Variants in SEMA6D observed in about 807,000 individuals in gnomAD.
SEMA6D encodes the protein semaphorin 6D.
A neutral mutation model predicts 106.6 loss-of-function variants in SEMA6D; 35 were observed. The ratio of observed to expected loss-of-function variants is 0.33; its 90% CI spans 0.25 to 0.44. SEMA6D has a LOEUF of 0.44. SEMA6D is among the 20% of genes least tolerant of loss of function. The pLI is 1.00. For synonymous variants in SEMA6D, 499 were observed against 487.7 expected, an observed-to-expected ratio of 1.02 and a Z score of -0.31; for missense variants, 1,185 against 1,345.9, an observed-to-expected ratio of 0.88 and a Z score of 1.87.
At chr15:47,574,633 C>G (rs1038330111) in intron 3 of SEMA6D, among the ~76,000 whole-genome samples, 1 of 152,148 alleles carries the variant, frequency 6.6e-6, no homozygotes, top group East Asian at 1.9e-4. Flanking sequence ...CTTTTGAGAC[C>G]AAAACATTCC....
chr15:47,337,670 G>T (rs560587231), intron 1 of SEMA6D, among the ~76,000 whole-genome samples: 1 of 152,090 alleles, frequency 6.6e-6, no homozygotes, highest in Non-Finnish European at 1.5e-5. Flanking sequence ...CAATGGAAGC[G>T]TCAGTTGTCT....
intron 3 of SEMA6D, among the ~76,000 whole-genome samples, chr15:47,558,151 T>A (rs1020743272): frequency 6.6e-6 from 1 of 152,150 alleles, no homozygotes; most frequent in Non-Finnish European, 1.5e-5. Flanking sequence ...ATCTGTAATT[T>A]CTTTTACAGC....
At chr15:47,433,503 G>A (rs2041604905) in intron 2 of SEMA6D, among the ~76,000 whole-genome samples, 1 of 152,030 alleles carries the variant, frequency 6.6e-6, no homozygotes, top group Non-Finnish European at 1.5e-5. Context: ...CAAAAGAATA[G>A]CAGGTTTTAG....
At chr15:47,244,535 G>A (rs1321719814) in intron 1 of SEMA6D, among the ~76,000 whole-genome samples, 1 of 152,106 alleles carries the variant, frequency 6.6e-6, no homozygotes, top group Non-Finnish European at 1.5e-5. Context: ...TCATTATACA[G>A]ATGTGTGAAA....
At chr15:47,610,975 T>C (rs1455754098) in intron 4 of SEMA6D, among the ~76,000 whole-genome samples, 1 of 152,200 alleles carries the variant, frequency 6.6e-6, no homozygotes, top group Non-Finnish European at 1.5e-5. Flanking sequence ...TCAGAGCATA[T>C]GTCTTTACAT....
intron 4 of SEMA6D, among the ~76,000 whole-genome samples, chr15:47,683,163 G>A (rs1596621360): frequency 6.6e-6 from 1 of 152,112 alleles, no homozygotes; most frequent in Non-Finnish European, 1.5e-5. Context: ...ATCACTTGAA[G>A]AGCGAACATT....
At chr15:47,517,438 C>G (rs1195453200) in intron 3 of SEMA6D, among the ~76,000 whole-genome samples, 2 of 151,976 alleles carry the variant, frequency 1.3e-5, no homozygotes, top group Non-Finnish European at 2.9e-5. Context: ...CCTCTCTATG[C>G]GTTCATTACA....
At chr15:47,630,280 A>G (rs889461875) in intron 4 of SEMA6D, among the ~76,000 whole-genome samples, 16 of 151,622 alleles carry the variant, frequency 1.1e-4, no homozygotes, top group African/African-American at 3.9e-4. Flanking sequence ...CATTGTTGTG[A>G]TTTGTTTCCT....
At chr15:47,191,029 C>T (rs1432349665) in intron 1 of SEMA6D, among the ~76,000 whole-genome samples, 1 of 151,888 alleles carries the variant, frequency 6.6e-6, no homozygotes, top group Non-Finnish European at 1.5e-5. Context: ...TAATAATAGC[C>T]GGGTGCAGTC....
chr15:47,251,915 T>TATTGAGTGTTGCGA (rs1450611549), intron 1 of SEMA6D, among the ~76,000 whole-genome samples: 4 of 129,998 alleles, frequency 3.1e-5, no homozygotes, highest in African/African-American at 1.2e-4. Flanking sequence ...GGATTTTTTT[T>TATTGAGTGTTGCGA]TTTTTTTTTT....
intron 1 of SEMA6D, among the ~76,000 whole-genome samples, chr15:47,203,372 G>C (rs548090274): frequency 6.6e-6 from 1 of 152,260 alleles, no homozygotes; most frequent in Admixed American, 6.5e-5. Flanking sequence ...AGCTAGGAAA[G>C]ATCAATCACT....
At chr15:47,564,183 A>C (rs1442171033) in intron 3 of SEMA6D, among the ~76,000 whole-genome samples, 1 of 152,238 alleles carries the variant, frequency 6.6e-6, no homozygotes. Context: ...CCTCTGAAAG[A>C]TATTAAAAAT....
intron 4 of SEMA6D, among the ~76,000 whole-genome samples, chr15:47,634,673 C>T (rs189420199): frequency 2.0e-5 from 3 of 152,288 alleles, no homozygotes; most frequent in East Asian, 3.9e-4. Context: ...TAAGGAGGCT[C>T]AACCCACCAC....
chr15:47,417,554 G>A (rs2041013891), intron 2 of SEMA6D, among the ~76,000 whole-genome samples: 1 of 92,626 alleles, frequency 1.1e-5, no homozygotes, highest in African/African-American at 4.0e-5. Context: ...TGTTTAAGGA[G>A]TGACAATTAC....
chr15:47,384,829 T>TTTTG (rs2039768706), intron 1 of SEMA6D, among the ~76,000 whole-genome samples: 1 of 144,586 alleles, frequency 6.9e-6, no homozygotes, highest in Admixed American at 6.9e-5. Context: ...TTTTTTTTTT[T>TTTTG]TTTTTTTTTT....
intron 1 of SEMA6D, among the ~76,000 whole-genome samples, chr15:47,740,356 TA>T (rs1271157780): frequency 1.3e-5 from 2 of 151,956 alleles, no homozygotes; most frequent in Non-Finnish European, 2.9e-5. Flanking sequence ...CCACCTCTAC[TA>T]AAAATACAAA....
intron 2 of SEMA6D, among the ~76,000 whole-genome samples, chr15:47,466,717 T>C (rs1454916870): frequency 6.6e-6 from 1 of 151,246 alleles, no homozygotes; most frequent in Non-Finnish European, 1.5e-5. Flanking sequence ...GTTCTGTTTT[T>C]AGGTGTGTGG....
chr15:47,273,032 A>G (rs2034628215), intron 1 of SEMA6D: 1 of 152,196 alleles, frequency 6.6e-6, no homozygotes, highest in South Asian at 2.1e-4. Flanking sequence ...GCCTCCTAGG[A>G]CATGACCTTC....
intron 1 of SEMA6D, among the ~76,000 whole-genome samples, chr15:47,388,135 C>T (rs2039903360): frequency 6.6e-6 from 1 of 151,976 alleles, no homozygotes; most frequent in Non-Finnish European, 1.5e-5. Flanking sequence ...ATATGCACAA[C>T]CTTAAAAAAT....
Sources: allele counts gnomAD v4.1 joint callset (sites outside exome capture counted in the v4.1 genomes callset), GRCh38; gene constraint gnomAD v4.1.1; transcripts MANE v1.5; gene names NCBI Gene and HGNC (gene_info 2026-07-23, HGNC 2026-07-21).